CADM2: variants seen among roughly 807,000 people sequenced by gnomAD.
CADM2 encodes the protein cell adhesion molecule 2.
Under a neutral mutation model 49.8 loss-of-function variants are expected in CADM2, and 12 were observed. That is an observed-to-expected ratio of 0.24 (90% CI 0.15 to 0.39). The LOEUF is 0.39. Ranked by LOEUF, CADM2 falls within the 10% of genes least tolerant of loss-of-function variation. The pLI, the probability that CADM2 is intolerant of heterozygous loss-of-function variation, is 1.00. For missense variants in CADM2, 378 were observed against 492.3 expected, an observed-to-expected ratio of 0.77 and a Z score of 2.20; for synonymous variants, 214 against 175.4, an observed-to-expected ratio of 1.22 and a Z score of -1.74.
At chr3:86,017,993 C>T (rs1234776950) in intron 8 of CADM2, among the ~76,000 whole-genome samples, 1 of 129,908 alleles carries the variant, frequency 7.7e-6, no homozygotes, top group African/African-American at 2.9e-5. Flanking sequence ...CGTCATCTAG[C>T]ATTAGGTATA....
intron 1 of CADM2, among the ~76,000 whole-genome samples, chr3:85,189,308 A>C (rs1026995441): frequency 6.6e-6 from 1 of 151,940 alleles, no homozygotes; most frequent in African/African-American, 2.4e-5. Flanking sequence ...CCATTCCAGG[A>C]GTTGAAGTTG....
intron 1 of CADM2, among the ~76,000 whole-genome samples, chr3:85,345,004 A>G (rs897516199): frequency 9.2e-5 from 14 of 152,140 alleles, no homozygotes; most frequent in Non-Finnish European, 1.8e-4. Flanking sequence ...GCTCATATAT[A>G]TCAAGCATGA....
chr3:86,022,493 TTAGA>T (rs1733330892), intron 8 of CADM2, among the ~76,000 whole-genome samples: 1 of 152,148 alleles, frequency 6.6e-6, no homozygotes, highest in South Asian at 2.1e-4. Flanking sequence ...AACTTGACAA[TTAGA>T]TAGCATTAAC....
chr3:85,072,828 T>C (rs2036808007), intron 1 of CADM2, among the ~76,000 whole-genome samples: 1 of 152,090 alleles, frequency 6.6e-6, no homozygotes, highest in Non-Finnish European at 1.5e-5. Flanking sequence ...CTAAAAATGA[T>C]TACCTTAAAA....
chr3:86,029,447 A>T (rs1436285825), intron 8 of CADM2, among the ~76,000 whole-genome samples: 4 of 152,064 alleles, frequency 2.6e-5, no homozygotes, highest in Non-Finnish European at 5.9e-5. Flanking sequence ...AACAAAAAAA[A>T]GGAATGGTTT....
At chr3:85,771,442 C>G (rs2070080346) in intron 2 of CADM2, among the ~76,000 whole-genome samples, 1 of 151,998 alleles carries the variant, frequency 6.6e-6, no homozygotes, top group South Asian at 2.1e-4. Context: ...GAAAACAAAG[C>G]TTGCTTATAA....
chr3:85,080,652 T>C (rs1042592908), intron 1 of CADM2, among the ~76,000 whole-genome samples: 1 of 152,098 alleles, frequency 6.6e-6, no homozygotes, highest in Non-Finnish European at 1.5e-5. Flanking sequence ...TTTATGCTTA[T>C]GGCATATAAA....
chr3:86,062,032 C>G (rs1738716930), intron 8 of CADM2, among the ~76,000 whole-genome samples: 1 of 151,352 alleles, frequency 6.6e-6, no homozygotes, highest in African/African-American at 2.4e-5. Flanking sequence ...TGTACATTGA[C>G]AATATTTATC....
intron 1 of CADM2, among the ~76,000 whole-genome samples, chr3:85,152,824 G>A (rs2039970237): frequency 6.6e-6 from 1 of 151,922 alleles, no homozygotes. Context: ...TATTTGCCGG[G>A]CGTGGTGGCG....
intron 1 of CADM2, among the ~76,000 whole-genome samples, chr3:85,719,931 G>T (rs181645580): frequency 5.3e-5 from 8 of 150,484 alleles, no homozygotes; most frequent in Non-Finnish European, 1.2e-4. Context: ...GTTTAATTTT[G>T]TAAAAAAAAA....
chr3:85,677,675 A>T (rs2065923756), intron 1 of CADM2, among the ~76,000 whole-genome samples: 1 of 152,194 alleles, frequency 6.6e-6, no homozygotes, highest in South Asian at 2.1e-4. Context: ...GAGGGACAGG[A>T]ACTAATGAGG....
At chr3:85,192,242 G>T (rs974742171) in intron 1 of CADM2, among the ~76,000 whole-genome samples, 2 of 152,018 alleles carry the variant, frequency 1.3e-5, no homozygotes, top group Admixed American at 6.6e-5. Flanking sequence ...TTTACTGGAA[G>T]ATTCTAATGC....
At chr3:85,225,086 T>C (rs1259587850) in intron 1 of CADM2, among the ~76,000 whole-genome samples, 1 of 152,182 alleles carries the variant, frequency 6.6e-6, no homozygotes, top group African/African-American at 2.4e-5. Context: ...CTATGCTCGC[T>C]CTTTTTTGGT....
intron 1 of CADM2, among the ~76,000 whole-genome samples, chr3:85,595,894 G>C (rs1576892943): frequency 1.3e-5 from 2 of 151,890 alleles, no homozygotes; most frequent in South Asian, 2.1e-4. Flanking sequence ...TCGTCTCTGT[G>C]AGATATTAAA....
chr3:85,487,566 A>T (rs1272287282), intron 1 of CADM2, among the ~76,000 whole-genome samples: 5 of 145,566 alleles, frequency 3.4e-5, no homozygotes, highest in African/African-American at 1.3e-4. Flanking sequence ...GAGGAGGAAT[A>T]GGAGGAGGAG....
intron 3 of CADM2, among the ~76,000 whole-genome samples, chr3:85,806,378 C>T (rs1025539034): frequency 3.3e-5 from 5 of 152,230 alleles, no homozygotes; most frequent in Non-Finnish European, 4.4e-5. Context: ...GAGAGGCATC[C>T]CGTAGCATTT....
At chr3:85,378,710 T>C (rs1299656795) in intron 1 of CADM2, among the ~76,000 whole-genome samples, 1 of 151,844 alleles carries the variant, frequency 6.6e-6, no homozygotes, top group African/African-American at 2.4e-5. Context: ...GACAATGAAC[T>C]CTGGGGACTT....
chr3:85,362,620 G>T (rs2032441461), intron 1 of CADM2, among the ~76,000 whole-genome samples: 1 of 152,058 alleles, frequency 6.6e-6, no homozygotes, highest in South Asian at 2.1e-4. Context: ...CACCTATAAG[G>T]CATTAAATTC....
chr3:85,285,863 G>A (rs1389446689), intron 1 of CADM2, among the ~76,000 whole-genome samples: 1 of 151,850 alleles, frequency 6.6e-6, no homozygotes, highest in Non-Finnish European at 1.5e-5. Flanking sequence ...ACTCTATGTA[G>A]TGACTTGTAT....
Sources: gnomAD v4.1 joint callset for allele counts (sites outside exome capture counted in the v4.1 genomes callset) on GRCh38, gnomAD v4.1.1 for gene constraint, MANE v1.5 for transcripts, NCBI Gene and HGNC (gene_info 2026-07-23, HGNC 2026-07-21) for gene names.